The following TEX2 variants were observed in gnomAD, a reference collection of about 807,000 sequenced individuals.
The protein encoded by TEX2 is testis expressed 2, also known as testis-expressed protein 2.
TEX2 carries 53 observed loss-of-function variants against 106.9 expected under a neutral mutation model. That is an observed-to-expected ratio of 0.50 (90% CI 0.40 to 0.62). The LOEUF is 0.62. Ranked by LOEUF, TEX2 falls within the 20% of genes least tolerant of loss-of-function variation. The pLI is 0.00. For missense variants in TEX2, 1,207 were observed against 1,379.0 expected (o/e 0.88, Z 1.98); for synonymous variants, 523 against 534.8 (o/e 0.98, Z 0.30).
chr17:64,206,550 CTTTTTTTTTTTTT>C (rs60956243), intron 2 of TEX2, among the ~76,000 whole-genome samples: 14 of 77,202 alleles, frequency 1.8e-4, no homozygotes, highest in Middle Eastern at 7.6e-3. Context: ...AGAGGTCTTA[CTTTTTTTTTTTTT>C]TTTTTTTTTT....
chr17:64,210,643 T>TTTTTTTTTTTTTTTTTG (rs2032973154), intron 2 of TEX2, among the ~76,000 whole-genome samples: 1 of 147,482 alleles, frequency 6.8e-6, no homozygotes, highest in Non-Finnish European at 1.5e-5. Context: ...GCTTTTTTTT[T>TTTTTTTTTTTTTTTTTG]TTTTTTTTTT....
At chr17:64,207,398 G>A (rs1245048658) in intron 2 of TEX2, among the ~76,000 whole-genome samples, 5 of 152,088 alleles carry the variant, frequency 3.3e-5, no homozygotes, top group African/African-American at 1.2e-4. Context: ...TGGAGATCTC[G>A]GTCGCAGGCA....
chr17:64,239,875 C>CAA lies in TEX2; in HGVS notation c.-26+23291_-26+23292dup, dbSNP rs61705973. ...TGGACAACAGAGTGAGACTCTGTCT[C>CAA]AAAAAAAAAAAAAAAAAAAAAAAAA... On this transcript the variant is annotated intron_variant, in intron 1 of 11. Coordinates refer to ENST00000584379, the MANE Select transcript of TEX2 (RefSeq NM_001288732.2). 8.1e-4 allele frequency among the ~76,000 whole-genome samples: 24 copies of CAA among 29,644 alleles called. 3 individuals are homozygous for CAA. The highest frequency in any genetic ancestry group is 1.2e-3 in the Admixed American group (2 of 1,692). The allele number at this position is 29,644 out of a possible 152,430, so 19.4% of individuals were successfully genotyped here. A position where few individuals can be genotyped will look rare whatever the true frequency, so the allele number is the denominator to read the frequency against.
chr17:64,190,092 C>T (rs1320956895), intron 4 of TEX2, among the ~76,000 whole-genome samples: 1 of 152,082 alleles, frequency 6.6e-6, no homozygotes, highest in Non-Finnish European at 1.5e-5. Flanking sequence ...CAGAGCCTCA[C>T]AAAGGGTCAC....
At chr17:64,156,393 C>A (rs2030630520) in intron 8 of TEX2, among the ~76,000 whole-genome samples, 1 of 152,182 alleles carries the variant, frequency 6.6e-6, no homozygotes, top group African/African-American at 2.4e-5. Context: ...TAAAGGGAAA[C>A]TCCCTCTGCA....
At position 64,171,112 on chromosome 17, in the gene TEX2, C is replaced by A. The variant is rs766293684; in HGVS notation, c.2659G>T (p.Val887Phe). 6 of 1,613,530 alleles carry A rather than the reference C, an allele frequency of 3.7e-6. No homozygotes were observed. In the African/African-American group the frequency reaches 5.3e-5, roughly 14 times the overall value. Residue 887 changes from valine to phenylalanine, a missense_variant, in exon 7 of 12, where the codon GTT becomes TTT. Val to Phe is a conservative substitution (Grantham distance 50). Around this residue, in one of 3 missense-constraint regions of TEX2, gnomAD observed 1,067 missense variants for 1,193.6 expected, o/e 0.89. Transcript: ENST00000584379. ...AGTTAGGAGTTACCTTGGTGATCAA[C>A]GTAAGGCTTGAAGGCCTGGAGGATT... ...PKILQAFKPY[V>F]DHQGLWIDLE... is the part of the protein sequence containing the mutation.
Position 64,153,075 on chromosome 17 carries a change from T to C in TEX2, c.3010A>G (p.Thr1004Ala). The change falls in exon 10 of 12, where the codon ACA (threonine) becomes GCA (alanine). Residue 1004 changes from threonine to alanine, a missense_variant. Transcript: ENST00000584379. This position sits in a 1 kb window ranked among gnomAD's most constrained non-coding sequence, Gnocchi z 4.1. ...TTCTTTTTAATAAACTCTGTCTCTG[T>C]TGCTTTTTGGAAATATTTTGACTTG... ...ITKSKYFQKA[T>A]ETEFIKKKIE... 1 of 1,614,142 alleles carries C rather than the reference T, an allele frequency of 6.2e-7. No individual in the cohort carries two copies. The highest frequency in any genetic ancestry group is 8.5e-7 in the Non-Finnish European group (1 of 1,179,962).
intron 1 of TEX2, among the ~76,000 whole-genome samples, chr17:64,224,526 T>G (rs2033451342): frequency 6.6e-6 from 1 of 152,142 alleles, no homozygotes; most frequent in African/African-American, 2.4e-5. Context: ...TAGTTTCATT[T>G]AAAGAAAAGA....
At chr17:64,198,645 G>A (rs1426843509) in intron 2 of TEX2, among the ~76,000 whole-genome samples, 12 of 131,118 alleles carry the variant, frequency 9.2e-5, no homozygotes, top group Non-Finnish European at 1.5e-4. Flanking sequence ...TACTGCCTTC[G>A]TCCATCCTAA....
intron 1 of TEX2, among the ~76,000 whole-genome samples, chr17:64,221,091 T>G (rs1261486013): frequency 1.3e-5 from 2 of 152,082 alleles, no homozygotes; most frequent in Admixed American, 1.3e-4. Flanking sequence ...CTCAGCAAAC[T>G]AACACAGTAA....
At chr17:64,243,398 A>C (rs1555635953) in intron 1 of TEX2, among the ~76,000 whole-genome samples, 1 of 152,204 alleles carries the variant, frequency 6.6e-6, no homozygotes, top group African/African-American at 2.4e-5. Context: ...AAAAATAATA[A>C]AACTGTTATT....
chr17:64,201,080 G>A lies in TEX2; in HGVS notation c.1645-5985C>T, dbSNP rs139847923. Among the ~76,000 whole-genome samples the A allele has an allele frequency of 4.6e-4, 70 of 152,260 alleles. No homozygotes were observed. The East Asian group carries it at 4.6e-3, about 10-fold the overall frequency. On this transcript the variant is annotated intron_variant, in intron 2 of 11. Transcript: ENST00000584379. ...GCCTAAATGAGACCCTACACTGATC[G>A]TATCCAATTACACAAAAGACTGCTG...
chr17:64,225,539 A>G (rs542932996), intron 1 of TEX2, among the ~76,000 whole-genome samples: 1 of 152,268 alleles, frequency 6.6e-6, no homozygotes, highest in South Asian at 2.1e-4. Flanking sequence ...CTTTTCACCA[A>G]TCATTCCTAA....
intron 1 of TEX2, among the ~76,000 whole-genome samples, chr17:64,224,135 A>G (rs1231447293): frequency 6.6e-6 from 1 of 152,214 alleles, no homozygotes; most frequent in Non-Finnish European, 1.5e-5. Context: ...GGGTTATGTC[A>G]GTCAACAGTT....
At chr17:64,254,116 C>T (rs1217814788) in intron 1 of TEX2, among the ~76,000 whole-genome samples, 2 of 152,172 alleles carry the variant, frequency 1.3e-5, no homozygotes, top group East Asian at 3.9e-4. Flanking sequence ...AGACATTCCG[C>T]AATGCAACAA....
At position 64,234,091 on chromosome 17, in the gene TEX2, G is replaced by A. The variant is rs1258700480; in HGVS notation, c.-25-19849C>T. Among the ~76,000 whole-genome samples the A allele has an allele frequency of 2.0e-5, 3 of 152,186 alleles. No homozygotes were observed. The South Asian group carries it at 6.2e-4, about 31-fold the overall frequency. ...AATAAGGGGTAAGGAAAAAAGGCAA[G>A]TGGAATAAAAAAGAAACGTGAATGC... is the stretch of plus-strand genomic sequence containing the variant. On this transcript the variant is annotated intron_variant, in intron 1 of 11. Coordinates refer to ENST00000584379, the MANE Select transcript of TEX2 (RefSeq NM_001288732.2).
At chr17:64,154,787 A>G (rs2030533985) in intron 9 of TEX2, 55 bp downstream of exon 9, 4 of 1,471,460 alleles carry the variant, frequency 2.7e-6, no homozygotes, top group African/African-American at 1.4e-5. Context: ...TTCACTCCCA[A>G]CTTGCTGTCC....
intron 1 of TEX2, among the ~76,000 whole-genome samples, chr17:64,218,662 C>A (rs1456154848): frequency 6.6e-6 from 1 of 152,082 alleles, no homozygotes; most frequent in Non-Finnish European, 1.5e-5. Flanking sequence ...TGTGATCCAC[C>A]AATCTTGGCC....
chr17:64,176,146 G>A (rs2031607508), intron 6 of TEX2, among the ~76,000 whole-genome samples: 1 of 152,134 alleles, frequency 6.6e-6, no homozygotes, highest in African/African-American at 2.4e-5. Context: ...CCCAAAATCT[G>A]CCTTGAAATC....
Sources: gnomAD v4.1 joint callset for allele counts (sites outside exome capture counted in the v4.1 genomes callset) on GRCh38, gnomAD v4.1.1 for gene constraint, gnomAD v4.1.1 regional missense constraint, Gnocchi (gnomAD v3.1) non-coding constraint, MANE v1.5 for transcripts, NCBI Gene and HGNC (gene_info 2026-07-23, HGNC 2026-07-21) for gene names.